NHEJ1: variants seen among roughly 807,000 people sequenced by gnomAD.
The protein encoded by NHEJ1 is non-homologous end-joining factor 1.
A neutral mutation model predicts 39.4 loss-of-function variants in NHEJ1; 22 were observed. The ratio of observed to expected loss-of-function variants is 0.56; its 90% CI spans 0.40 to 0.80. The LOEUF (loss-of-function observed/expected upper bound fraction) is 0.80, where lower values mean the gene tolerates loss of function less well. Among genes scored for constraint, NHEJ1 ranks in the 30% least tolerant of loss-of-function variants. NHEJ1 has a pLI of 0.00. For missense variants in NHEJ1, 329 were observed against 357.1 expected, an observed-to-expected ratio of 0.92 and a Z score of 0.63; for synonymous variants, 154 against 135.6, an observed-to-expected ratio of 1.14 and a Z score of -0.94.
rs754270234 is a variant in NHEJ1 at position 219,127,022 on chromosome 2, C to T, written c.588+19658G>A. ...TGTGGCCTAGCAGAAGAGTAGCAGACGAAGCTGAAGATGTAAGTAGTGGCC... is the reference window on the plus strand; with the variant it reads ...TGTGGCCTAGCAGAAGAGTAGCAGATGAAGCTGAAGATGTAAGTAGTGGCC... On this transcript the variant is annotated intron_variant, in intron 5 of 7. Coordinates refer to ENST00000356853, the MANE Select transcript of NHEJ1 (RefSeq NM_024782.3). 2.6e-5 allele frequency among the ~76,000 whole-genome samples: 4 copies of T among 151,984 alleles called. No homozygotes were observed. The South Asian group carries it at 6.2e-4, about 24-fold the overall frequency.
intron 2 of NHEJ1, 73 bp downstream of exon 2, chr2:219,158,113 T>G: frequency 6.5e-7 from 1 of 1,526,910 alleles, no homozygotes; most frequent in Non-Finnish European, 9.1e-7. Flanking sequence ...TCAACCTTCC[T>G]TGGGAAACTA....
chr2:219,100,393 A>G (rs1269734619), intron 5 of NHEJ1, among the ~76,000 whole-genome samples: 1 of 151,282 alleles, frequency 6.6e-6, no homozygotes, highest in Non-Finnish European at 1.5e-5. Context: ...GTTTGAGGCC[A>G]GGAGTTCGAG....
intron 1 of NHEJ1, among the ~76,000 whole-genome samples, chr2:219,159,792 C>CCAAA (rs71040422): frequency 0.5 from 75,773 of 150,722 alleles, 21,290 homozygotes; most frequent in Non-Finnish European, 0.64. Context: ...AATAAAGTCG[C>CCAAA]CACTTTCATC....
intron 5 of NHEJ1, among the ~76,000 whole-genome samples, chr2:219,092,394 CT>C (rs1400862235): frequency 9.2e-5 from 14 of 152,104 alleles, no homozygotes; most frequent in Admixed American, 4.6e-4. Flanking sequence ...ATATGAGCTT[CT>C]TTATTAACAC....
At chr2:219,137,988 T>A (rs1949652243) in intron 5 of NHEJ1, among the ~76,000 whole-genome samples, 1 of 152,080 alleles carries the variant, frequency 6.6e-6, no homozygotes, top group Non-Finnish European at 1.5e-5. Flanking sequence ...TAACTGCAAG[T>A]TTTTCTAGGT....
chr2:219,091,118 A>G (rs1249833293), intron 5 of NHEJ1, among the ~76,000 whole-genome samples: 2 of 152,038 alleles, frequency 1.3e-5, no homozygotes, highest in Non-Finnish European at 2.9e-5. Flanking sequence ...GCCCTCATAG[A>G]GCTTACAGTC....
Position 219,158,189 on chromosome 2 carries a change from G to A in NHEJ1, c.174C>T (p.Ala58=). 1 of 1,614,114 alleles carries A rather than the reference G, an allele frequency of 6.2e-7. No homozygotes were observed. Among genetic ancestry groups the A allele is most frequent in the East Asian group, 2.2e-5 (1 of 44,878 alleles). The change falls in exon 2 of 8, where the codon GCC becomes GCT. Residue 58 remains alanine, a synonymous_variant. Transcript: ENST00000356853. ...QVDTSVVSQR[A]KELNKRLTAP... ...CAGTACTTCTCCTCATACTTACCTTGGCTCGCTGGCTGACCACACTAGTGT... is the reference window on the plus strand; with the variant it reads ...CAGTACTTCTCCTCATACTTACCTTAGCTCGCTGGCTGACCACACTAGTGT...
At position 219,086,665 on chromosome 2, in the gene NHEJ1, C is replaced by T. The variant is rs984055869; in HGVS notation, c.589-8459G>A. On this transcript the variant is annotated intron_variant, in intron 5 of 7. Transcript: ENST00000356853. ...ATCTCCTTTTAAAATAAGTACAGCC[C>T]CTCAGAGTCATAGCAGGAAGGCCCC... Among the ~76,000 whole-genome samples, 5 of 152,162 alleles carry T rather than the reference C, an allele frequency of 3.3e-5. No homozygotes were observed. In the South Asian group the frequency reaches 6.2e-4, roughly 19 times the overall value.
rs373343265 is a variant in NHEJ1 at position 219,154,192 on chromosome 2, G to A, written c.390+3280C>T. 1.7e-3 allele frequency among the ~76,000 whole-genome samples: 254 copies of A among 152,274 alleles called. 2 individuals carry two copies. The highest frequency in any genetic ancestry group is 5.9e-3 in the African/African-American group (244 of 41,552). ...TTTTTAAGGCTCATCAAGTGAAGCA[G>A]TGGGTAAGTTCTACAATTAAGTGAA... On this transcript the variant is annotated intron_variant, in intron 3 of 7. Transcript: ENST00000356853.
chr2:219,093,530 C>T (rs993199641), intron 5 of NHEJ1, among the ~76,000 whole-genome samples: 4 of 152,060 alleles, frequency 2.6e-5, no homozygotes, highest in African/African-American at 9.7e-5. Context: ...ATGGTCAGTG[C>T]CTAAACTCCC....
chr2:219,150,677 C>A (rs896423990), intron 3 of NHEJ1, among the ~76,000 whole-genome samples: 1 of 151,948 alleles, frequency 6.6e-6, no homozygotes, highest in African/African-American at 2.4e-5. Flanking sequence ...AAAAATTGGC[C>A]GGACGCAGTG....
At chr2:219,088,888 C>T (rs1200642296) in intron 5 of NHEJ1, among the ~76,000 whole-genome samples, 1 of 152,198 alleles carries the variant, frequency 6.6e-6, no homozygotes, top group Non-Finnish European at 1.5e-5. Flanking sequence ...TCTCAGCTCA[C>T]CACAAGCTCC....
chr2:219,126,088 C>T (rs1239755541), intron 5 of NHEJ1, among the ~76,000 whole-genome samples: 2 of 152,318 alleles, frequency 1.3e-5, no homozygotes, highest in Middle Eastern at 3.4e-3. Context: ...TTTCCTTGAC[C>T]TTCTGTGTAA....
chr2:219,152,596 C>T (rs1949806313), intron 3 of NHEJ1, among the ~76,000 whole-genome samples: 1 of 152,048 alleles, frequency 6.6e-6, no homozygotes, highest in Non-Finnish European at 1.5e-5. Flanking sequence ...GTAGCTAGGA[C>T]TACAGGCACA....
At chr2:219,127,843 T>C (rs757595618) in intron 5 of NHEJ1, among the ~76,000 whole-genome samples, 21 of 152,244 alleles carry the variant, frequency 1.4e-4, no homozygotes, top group Admixed American at 3.3e-4. Flanking sequence ...ATCATCATGG[T>C]CATTAATTTT....
intron 5 of NHEJ1, among the ~76,000 whole-genome samples, chr2:219,126,887 A>G (rs1949530027): frequency 6.6e-6 from 1 of 152,260 alleles, no homozygotes; most frequent in Non-Finnish European, 1.5e-5. Context: ...CAAGGACTAG[A>G]GGTAACAGAA....
intron 6 of NHEJ1, among the ~76,000 whole-genome samples, chr2:219,077,728 G>A (rs747466757): frequency 3.3e-5 from 5 of 151,610 alleles, no homozygotes; most frequent in South Asian, 2.1e-4. Context: ...TTCCCACCTC[G>A]GCCTCCTGAA....
At chr2:219,113,361 A>G (rs1949382795) in intron 5 of NHEJ1, among the ~76,000 whole-genome samples, 1 of 152,156 alleles carries the variant, frequency 6.6e-6, no homozygotes, top group South Asian at 2.1e-4. Flanking sequence ...GAGGAGGGAG[A>G]GATGGACAGG....
chr2:219,146,559 T>C, intron 5 of NHEJ1, 121 bp downstream of exon 5: 1 of 829,870 alleles, frequency 1.2e-6, no homozygotes. Context: ...TGGGCAACTT[T>C]TTCAGACAAA....
Sources: gnomAD v4.1 joint callset for allele counts (sites outside exome capture counted in the v4.1 genomes callset) on GRCh38, gnomAD v4.1.1 for gene constraint, MANE v1.5 for transcripts, NCBI Gene and HGNC (gene_info 2026-07-23, HGNC 2026-07-21) for gene names.